USH1C: variants seen among roughly 807,000 people sequenced by gnomAD.
USH1C encodes the protein USH1 protein network component harmonin, also known as harmonin.
Under a neutral mutation model 119.3 loss-of-function variants are expected in USH1C, and 90 were observed. The ratio of observed to expected loss-of-function variants is 0.75; its 90% CI spans 0.64 to 0.90. The LOEUF (loss-of-function observed/expected upper bound fraction) is 0.90, where lower values mean the gene tolerates loss of function less well. USH1C is among the 40% of genes least tolerant of loss of function. The probability of loss-of-function intolerance (pLI) is 0.00; values close to 1 mark genes in which losing one functional copy is unlikely to be tolerated. For synonymous variants in USH1C, 465 were observed against 443.3 expected (o/e 1.05, Z -0.62); for missense variants, 1,165 against 1,167.7 (o/e 1.00, Z 0.03).
At chr11:17,513,342 G>C (rs12804801) in intron 15 of USH1C, among the ~76,000 whole-genome samples, 14,560 of 149,982 alleles carry the variant, frequency 0.097, 868 homozygotes, top group African/African-American at 0.16. Flanking sequence ...GCTCACCCCC[G>C]CCCCCAACAA....
In USH1C at chr11:17,494,255, G is replaced by GGT. The variant is rs1849163137; in HGVS notation, c.*75_*76dup. On this transcript the variant is annotated 3_prime_UTR_variant, in exon 27 of 27. Transcript: ENST00000005226. Reference sequence around the variant, plus strand: ...GATTCAGGTCCCAAGGATGCCATCTGGTGTGTGTAGTGTGGCCTCTCTCAA... The same window carrying GGT: ...GATTCAGGTCCCAAGGATGCCATCTGGTGTGTGTGTAGTGTGGCCTCTCTCAA... 4.0e-6 allele frequency: 6 copies of GGT among 1,504,932 alleles called. No homozygotes were observed. The East Asian group carries it at 1.4e-4, about 36-fold the overall frequency. The allele number at this position is 1,504,932 out of a possible 1,614,324, so 93.2% of individuals were successfully genotyped here.
chr11:17,495,131 A>T (rs1849200771), intron 26 of USH1C: 1 of 244,568 alleles, frequency 4.1e-6, no homozygotes, highest in Non-Finnish European at 8.1e-6. Context: ...TGGCATTCAC[A>T]GGAAGGGGAA....
intron 23 of USH1C, among the ~76,000 whole-genome samples, chr11:17,499,115 C>T (rs1385764918): frequency 1.3e-5 from 2 of 152,180 alleles, no homozygotes; most frequent in African/African-American, 4.8e-5. Flanking sequence ...TGCAGCTTTC[C>T]AAGAGGTAGA....
chr11:17,524,464 T>C lies in USH1C; in HGVS notation c.746A>G (p.Glu249Gly). The change falls in exon 9 of 27, where the codon GAG becomes GGG. Residue 249 changes from glutamate to glycine, a missense_variant. Glu to Gly is a moderately conservative substitution (Grantham distance 98). Coordinates refer to ENST00000005226, the MANE Select transcript of USH1C (RefSeq NM_153676.4). ...AGCGTCACTCACCTCCAATCCCACC[T>C]CAGCAGACAGGGAGCCAGGTTTCAC... ...SHVKPGSLSA[E>G]VGLEIGDQIV... 1 of 1,573,614 alleles carries C rather than the reference T, an allele frequency of 6.4e-7. No homozygotes were observed. The highest frequency in any genetic ancestry group is 8.6e-7 in the Non-Finnish European group (1 of 1,157,956).
At chr11:17,509,175 T>G (rs1178193276) in intron 18 of USH1C, among the ~76,000 whole-genome samples, 181 bp downstream of exon 18, 1 of 152,164 alleles carries the variant, frequency 6.6e-6, no homozygotes, top group Non-Finnish European at 1.5e-5. Context: ...TCAAAATCAG[T>G]GAGAACCACC....
At chr11:17,502,866 A>G (rs548260679) in intron 20 of USH1C, among the ~76,000 whole-genome samples, 34 of 152,272 alleles carry the variant, frequency 2.2e-4, no homozygotes, top group African/African-American at 7.7e-4. Context: ...GCTGGTCCCC[A>G]TGGAAGGTGG....
rs774572351 is a variant in USH1C at position 17,522,930 on chromosome 11, A to G, written c.877-4T>C. ...CTGTCATGAACAGCTCCCGGCCCTC[A>G]TGGGAGAAAAGAGGCCCCTTGCTCA... is the stretch of plus-strand genomic sequence containing the variant. On this transcript the variant is annotated splice_polypyrimidine_tract_variant and splice_region_variant and intron_variant, in intron 11 of 26. Transcript: ENST00000005226. 2 of 1,610,100 alleles carry G rather than the reference A, an allele frequency of 1.2e-6. No individual in the cohort carries two copies. Among genetic ancestry groups the G allele is most frequent in the Non-Finnish European group, 1.7e-6 (2 of 1,178,472 alleles).
intron 1 of USH1C, among the ~76,000 whole-genome samples, chr11:17,541,361 G>A (rs1303388838): frequency 1.3e-5 from 2 of 152,112 alleles, no homozygotes; most frequent in Non-Finnish European, 2.9e-5. Context: ...CATATATTAA[G>A]GGCTCAGTCA....
Position 17,501,467 on chromosome 11 carries a change from C to T in USH1C, c.2280+15G>A, listed in dbSNP as rs886048059. 5.0e-6 allele frequency: 8 copies of T among 1,612,162 alleles called. No homozygotes were observed. Among genetic ancestry groups the T allele is most frequent in the Non-Finnish European group, 6.8e-6 (8 of 1,179,144 alleles). On this transcript the variant is annotated intron_variant, in intron 22 of 26. Transcript: ENST00000005226. ...AGAGGGATGGCGGCCCACCGGCCTC[C>T]ACATGCCCAGGTACCTTCTTGATGC... is the stretch of plus-strand genomic sequence containing the variant.
chr11:17,514,912 T>TC (rs1287432623), intron 15 of USH1C, among the ~76,000 whole-genome samples: 1 of 152,150 alleles, frequency 6.6e-6, no homozygotes, highest in African/African-American at 2.4e-5. Flanking sequence ...AACAGCACTT[T>TC]CAAGGACATG....
intron 7 of USH1C, 82 bp from the exon 8 acceptor site, chr11:17,526,523 A>C: frequency 7.7e-7 from 1 of 1,290,518 alleles, no homozygotes. Context: ...CTGCAGGGCG[A>C]GCACTGCTGA....
At chr11:17,532,180 C>A (rs1030720632) in intron 2 of USH1C, among the ~76,000 whole-genome samples, 5 of 152,212 alleles carry the variant, frequency 3.3e-5, no homozygotes, top group African/African-American at 1.2e-4. Context: ...AAGTCCTACT[C>A]CCCCAGATTA....
chr11:17,531,550 G>T lies in USH1C; in HGVS notation c.105-8C>A. On this transcript the variant is annotated splice_polypyrimidine_tract_variant and splice_region_variant and intron_variant, in intron 2 of 26. Coordinates refer to ENST00000005226, the MANE Select transcript of USH1C (RefSeq NM_153676.4). This position sits in a 1 kb window ranked among gnomAD's most constrained non-coding sequence, Gnocchi z 4.2. ...ACGGCCACGTCCATGGTCCTGTGGA[G>T]ATGCCGGGAATGCCTGGAGCCTCAC... is the stretch of plus-strand genomic sequence containing the variant. The T allele has an allele frequency of 6.2e-7, 1 of 1,612,674 alleles. No individual in the cohort carries two copies. Among genetic ancestry groups the T allele is most frequent in the Non-Finnish European group, 8.5e-7 (1 of 1,180,006 alleles).
At chr11:17,533,627 T>G in intron 1 of USH1C, 1 of 533,842 alleles carries the variant, frequency 1.9e-6, no homozygotes, top group African/African-American at 1.9e-5. Context: ...CATATGTGAA[T>G]CCCCATGTGA....
At chr11:17,524,388 C>T (rs991678423) in intron 9 of USH1C, 63 bp downstream of exon 9, 6 of 1,521,564 alleles carry the variant, frequency 3.9e-6, no homozygotes, top group East Asian at 2.5e-5. Context: ...CCTGTCACCG[C>T]GGGATCACAG....
intron 17 of USH1C, among the ~76,000 whole-genome samples, chr11:17,510,188 G>A (rs776087811): frequency 2.0e-5 from 3 of 152,176 alleles, no homozygotes; most frequent in Non-Finnish European, 4.4e-5. Flanking sequence ...TCGCAGATGA[G>A]CTGGGACTTA....
At position 17,531,966 on chromosome 11, in the gene USH1C, C is replaced by T. The variant is rs1851007706; in HGVS notation, c.105-424G>A. 6.6e-6 allele frequency among the ~76,000 whole-genome samples: 1 copy of T among 152,204 alleles called. No homozygotes were observed. Among genetic ancestry groups the T allele is most frequent in the South Asian group, 2.1e-4 (1 of 4,828 alleles). ...GCCTCCTCCCTCATGCTGTTCAGAC[C>T]TTCGACTGCAGCTGCCTGCCCATGT... On this transcript the variant is annotated intron_variant, in intron 2 of 26. Transcript: ENST00000005226. This position sits in a 1 kb window ranked among gnomAD's most constrained non-coding sequence, Gnocchi z 4.2.
chr11:17,499,803 GC>G (rs1565019884), intron 23 of USH1C, among the ~76,000 whole-genome samples: 1 of 152,228 alleles, frequency 6.6e-6, no homozygotes, highest in Non-Finnish European at 1.5e-5. Context: ...CTGGTTGCCA[GC>G]CCCCAAGGGC....
intron 15 of USH1C, among the ~76,000 whole-genome samples, chr11:17,515,285 A>G (rs1850091760): frequency 6.6e-6 from 1 of 152,224 alleles, no homozygotes; most frequent in Non-Finnish European, 1.5e-5. Context: ...TCAATGCTAT[A>G]CAAATCCTGA....
Sources: allele counts gnomAD v4.1 joint callset (sites outside exome capture counted in the v4.1 genomes callset), GRCh38; gene constraint gnomAD v4.1.1; non-coding constraint Gnocchi (gnomAD v3.1); transcripts MANE v1.5; gene names NCBI Gene and HGNC (gene_info 2026-07-23, HGNC 2026-07-21).